Variants in CHODL observed in about 807,000 individuals in gnomAD.
CHODL encodes the protein chondrolectin.
In CHODL, 29 loss-of-function variants were observed where a neutral mutation model predicts 34.5. The ratio of observed to expected loss-of-function variants is 0.84; its 90% CI spans 0.63 to 1.15. The LOEUF (loss-of-function observed/expected upper bound fraction) is 1.15. Ranked by LOEUF, CHODL falls within the 50% of genes most tolerant of loss-of-function variation. The probability of loss-of-function intolerance (pLI) is 0.00; values close to 1 mark genes in which losing one functional copy is unlikely to be tolerated. For synonymous variants in CHODL, 125 were observed against 116.1 expected, an observed-to-expected ratio of 1.08 and a Z score of -0.49; for missense variants, 332 against 332.5, an observed-to-expected ratio of 1.00 and a Z score of 0.01.
In CHODL at chr21:17,927,953, A is replaced by G. The variant is rs1254962110; in HGVS notation, c.-145+10553A>G. ...GAGGTTAACTAACTTTGATGGAGAAAAATTTATATTGTTACTGGAAAGGGT... is the reference window on the plus strand; with the variant it reads ...GAGGTTAACTAACTTTGATGGAGAAGAATTTATATTGTTACTGGAAAGGGT... On this transcript the variant is annotated intron_variant, in intron 1 of 6. Coordinates refer to the CHODL transcript ENST00000400127. 3.3e-5 allele frequency among the ~76,000 whole-genome samples: 5 copies of G among 152,340 alleles called. No individual in the cohort carries two copies. In the East Asian group the frequency reaches 9.6e-4, roughly 29 times the overall value.
Position 18,113,348 on chromosome 21 carries a change from G to T in CHODL, c.-45+85377G>T, listed in dbSNP as rs575769896. Among the ~76,000 whole-genome samples the T allele has an allele frequency of 6.6e-3, 1,000 of 152,122 alleles. 29 individuals carry two copies. The highest frequency in any genetic ancestry group is 0.045 in the Admixed American group (687 of 15,274). On this transcript the variant is annotated intron_variant, in intron 2 of 6. Coordinates refer to the CHODL transcript ENST00000400127. ...AACCACTATGGAGGACAGTCTGGGG[G>T]ACCTCAAAAAACTAAAAATTGAGCT...
intron 2 of CHODL, among the ~76,000 whole-genome samples, chr21:18,123,244 T>C (rs935431311): frequency 6.6e-6 from 1 of 152,174 alleles, no homozygotes; most frequent in African/African-American, 2.4e-5. Context: ...CCCAATATTA[T>C]GTGCTGCTTT....
chr21:18,004,526 A>G (rs1277942320), intron 1 of CHODL, among the ~76,000 whole-genome samples: 1 of 152,244 alleles, frequency 6.6e-6, no homozygotes, highest in Non-Finnish European at 1.5e-5. Flanking sequence ...AATCGAGCAT[A>G]CAATCATCTG....
chr21:18,187,689 TG>T lies in CHODL; in HGVS notation c.-44-68819del, dbSNP rs1164529277. ...ATACTCCACCTTTCTTTCTATTACC[TG>T]AGATGAAATTATCTCTGTTCTATTG... On this transcript the variant is annotated intron_variant, in intron 2 of 6. Coordinates refer to the CHODL transcript ENST00000400127. 2.6e-5 allele frequency among the ~76,000 whole-genome samples: 4 copies of T among 152,170 alleles called. No homozygotes were observed. The East Asian group carries it at 7.7e-4, about 29-fold the overall frequency.
intron 1 of CHODL, among the ~76,000 whole-genome samples, chr21:17,982,038 T>G (rs2063717918): frequency 6.6e-6 from 1 of 152,256 alleles, no homozygotes; most frequent in African/African-American, 2.4e-5. Context: ...ATCCTAGGAT[T>G]GTTGGTGTAA....
chr21:18,264,763 C>T (rs1431205694), intron 5 of CHODL, among the ~76,000 whole-genome samples: 1 of 151,930 alleles, frequency 6.6e-6, no homozygotes, highest in African/African-American at 2.4e-5. Flanking sequence ...CCAAATGTGA[C>T]AAGGGTGAAG....
chr21:17,925,829 A>G (rs1568800743), intron 1 of CHODL, among the ~76,000 whole-genome samples: 1 of 152,198 alleles, frequency 6.6e-6, no homozygotes, highest in Non-Finnish European at 1.5e-5. Context: ...AGAAAGGTCA[A>G]ATAGTGGACC....
intron 1 of CHODL, among the ~76,000 whole-genome samples, chr21:17,965,378 T>C (rs2146356361): frequency 6.6e-6 from 1 of 152,304 alleles, no homozygotes; most frequent in Middle Eastern, 3.4e-3. Context: ...TCACAATATA[T>C]AGTGCAGTCA....
At chr21:18,249,157 G>A (rs34095315) in intron 1 of CHODL, among the ~76,000 whole-genome samples, 5,118 of 136,108 alleles carry the variant, frequency 0.038, 344 homozygotes, top group African/African-American at 0.14. Flanking sequence ...ATATAAAGGA[G>A]TCCAAGGTTA....
At chr21:18,230,813 C>A (rs191557349) in intron 2 of CHODL, among the ~76,000 whole-genome samples, 1 of 151,890 alleles carries the variant, frequency 6.6e-6, no homozygotes, top group Non-Finnish European at 1.5e-5. Context: ...ATGCTTTTGG[C>A]GTAATTTTTG....
intron 4 of CHODL, among the ~76,000 whole-genome samples, chr21:18,262,026 T>C (rs533272570): frequency 6.6e-6 from 1 of 151,760 alleles, no homozygotes; most frequent in East Asian, 1.9e-4. Flanking sequence ...TTAATAATTA[T>C]TATTTTTAAT....
At chr21:18,240,075 A>G (rs978061294), upstream of CHODL, among the ~76,000 whole-genome samples, 2 of 152,052 alleles carry the variant, frequency 1.3e-5, no homozygotes, top group African/African-American at 2.4e-5. Flanking sequence ...TTTGAGTATG[A>G]AGCCCTATTT....
chr21:18,265,374 G>T (rs1205139760), intron 5 of CHODL, among the ~76,000 whole-genome samples: 1 of 151,536 alleles, frequency 6.6e-6, no homozygotes, highest in Non-Finnish European at 1.5e-5. Context: ...CATTCACAGC[G>T]ACCTGGGTAA....
At chr21:18,051,531 G>A (rs1169639206) in intron 2 of CHODL, among the ~76,000 whole-genome samples, 2 of 151,666 alleles carry the variant, frequency 1.3e-5, no homozygotes, top group African/African-American at 4.8e-5. Context: ...GGTTAAGGGG[G>A]CAATGTGAAG....
At chr21:17,968,479 C>A (rs1490138541) in intron 1 of CHODL, among the ~76,000 whole-genome samples, 1 of 152,198 alleles carries the variant, frequency 6.6e-6, no homozygotes, top group Non-Finnish European at 1.5e-5. Flanking sequence ...AAATAAATTT[C>A]TCAGTCTCTG....
At chr21:18,235,156 A>C (rs1340663793) in intron 2 of CHODL, among the ~76,000 whole-genome samples, 1 of 152,110 alleles carries the variant, frequency 6.6e-6, no homozygotes, top group African/African-American at 2.4e-5. Flanking sequence ...GAAGTACAAA[A>C]GATAAAGAGG....
chr21:18,009,392 G>T (rs1020221727), intron 1 of CHODL, among the ~76,000 whole-genome samples: 1 of 152,068 alleles, frequency 6.6e-6, no homozygotes, highest in African/African-American at 2.4e-5. Context: ...AAACCCAGGA[G>T]TTGAAGAATG....
intron 1 of CHODL, among the ~76,000 whole-genome samples, chr21:17,940,379 C>G (rs142135310): frequency 9.5e-4 from 144 of 152,212 alleles, no homozygotes; most frequent in African/African-American, 3.0e-3. Flanking sequence ...GAAGAAAATT[C>G]ATAGTCTAGT....
intron 2 of CHODL, among the ~76,000 whole-genome samples, chr21:18,174,907 C>G (rs915047020): frequency 3.3e-5 from 5 of 152,192 alleles, no homozygotes; most frequent in African/African-American, 9.7e-5. Flanking sequence ...GTTTAGCATG[C>G]AGACTCTGAA....
Sources: gnomAD v4.1 joint callset for allele counts (sites outside exome capture counted in the v4.1 genomes callset) on GRCh38, gnomAD v4.1.1 for gene constraint, MANE v1.5 for transcripts, NCBI Gene and HGNC (gene_info 2026-07-23, HGNC 2026-07-21) for gene names.